ZFAT: variants seen among roughly 807,000 people sequenced by gnomAD.
ZFAT encodes the protein zinc finger protein ZFAT.
A neutral mutation model predicts 117.7 loss-of-function variants in ZFAT; 64 were observed. The ratio of observed to expected loss-of-function variants is 0.54; its 90% CI spans 0.44 to 0.67. The LOEUF (loss-of-function observed/expected upper bound fraction) is 0.67. Among genes scored for constraint, ZFAT ranks in the 30% least tolerant of loss-of-function variants. The pLI is 0.00. For synonymous variants in ZFAT, 679 were observed against 615.0 expected, an observed-to-expected ratio of 1.10 and a Z score of -1.54; for missense variants, 1,433 against 1,584.5, an observed-to-expected ratio of 0.90 and a Z score of 1.62.
the ZFAT span, among the ~76,000 whole-genome samples, chr8:134,720,852 A>G: frequency 2.0e-5 from 3 of 152,202 alleles, no homozygotes; most frequent in Admixed American, 1.3e-4. Context: ...GGAATAAAAT[A>G]ATAATGGTGG....
At chr8:134,794,295 A>T in the ZFAT span, 1 of 152,398 alleles carries the variant, frequency 6.6e-6, no homozygotes, top group Admixed American at 6.5e-5. Flanking sequence ...CTGAGAAACA[A>T]GTAAAACAAG....
chr8:134,674,923 C>T (rs1338842981), intron 1 of ZFAT: 2 of 156,556 alleles, frequency 1.3e-5, no homozygotes, highest in Admixed American at 6.5e-5. Context: ...AGAAGGAAAA[C>T]TGACAAACAG....
At chr8:134,519,227 CT>C (rs1199053428) in intron 13 of ZFAT, among the ~76,000 whole-genome samples, 1 of 152,032 alleles carries the variant, frequency 6.6e-6, no homozygotes, top group African/African-American at 2.4e-5. Flanking sequence ...GTATAAATTA[CT>C]TTCAGGGGAA....
At chr8:134,826,794 G>A in the ZFAT span, among the ~76,000 whole-genome samples, 26 of 152,242 alleles carry the variant, frequency 1.7e-4, no homozygotes, top group South Asian at 2.9e-3. Flanking sequence ...TAGAGTAACC[G>A]ATTAAACTAC....
chr8:134,618,167 C>T (rs1828875458), intron 3 of ZFAT, among the ~76,000 whole-genome samples: 1 of 152,112 alleles, frequency 6.6e-6, no homozygotes. Context: ...ATGTCTTTAT[C>T]AGCAGTGTGA....
intron 15 of ZFAT, among the ~76,000 whole-genome samples, chr8:134,482,794 G>A (rs922685251): frequency 1.3e-5 from 2 of 152,222 alleles, no homozygotes; most frequent in Admixed American, 6.5e-5. Context: ...CAAGTCCTGC[G>A]AAGAGCAGGC....
At chr8:134,505,885 T>C (rs1192849119) in intron 15 of ZFAT, among the ~76,000 whole-genome samples, 6 of 152,166 alleles carry the variant, frequency 3.9e-5, no homozygotes, top group African/African-American at 1.4e-4. Context: ...GCAGTGGCAA[T>C]AGGAAATTAA....
intron 3 of ZFAT, among the ~76,000 whole-genome samples, chr8:134,637,087 T>C (rs1376387305): frequency 6.6e-6 from 1 of 152,258 alleles, no homozygotes; most frequent in East Asian, 1.9e-4. Context: ...CTCCTGACTT[T>C]CCATCAGAAT....
chr8:134,817,436 C>CACACACACA, the ZFAT span, among the ~76,000 whole-genome samples: 1,039 of 126,902 alleles, frequency 8.2e-3, 7 homozygotes, highest in African/African-American at 0.012. Context: ...CACACACACA[C>CACACACACA]AACGCACCCT....
the ZFAT span, among the ~76,000 whole-genome samples, chr8:134,743,960 A>C: frequency 6.6e-6 from 1 of 152,238 alleles, no homozygotes; most frequent in Non-Finnish European, 1.5e-5. Flanking sequence ...GGTGACAAGG[A>C]CAGGCCAAAC....
chr8:134,720,020 G>A, the ZFAT span, among the ~76,000 whole-genome samples: 2 of 152,326 alleles, frequency 1.3e-5, no homozygotes, highest in East Asian at 3.9e-4. Flanking sequence ...GCACAAACTT[G>A]ATAAGCACTT....
At chr8:134,483,963 T>C (rs1817492115) in intron 15 of ZFAT, among the ~76,000 whole-genome samples, 1 of 152,200 alleles carries the variant, frequency 6.6e-6, no homozygotes, top group Admixed American at 6.5e-5. Context: ...TCTCACTTTC[T>C]TCCTACTCCC....
the ZFAT span, among the ~76,000 whole-genome samples, chr8:134,818,477 A>G: frequency 6.6e-6 from 1 of 152,244 alleles, no homozygotes; most frequent in Non-Finnish European, 1.5e-5. Context: ...TGATAGCATA[A>G]TGCTGGTGGG....
the ZFAT span, among the ~76,000 whole-genome samples, chr8:134,729,555 G>T: frequency 6.6e-6 from 1 of 152,058 alleles, no homozygotes; most frequent in African/African-American, 2.4e-5. Context: ...GGATGGTCTC[G>T]ATCTCCTGAC....
upstream of ZFAT, among the ~76,000 whole-genome samples, chr8:134,715,237 A>G (rs935582251): frequency 6.6e-6 from 1 of 152,242 alleles, no homozygotes; most frequent in African/African-American, 2.4e-5. Context: ...TCAAAACCCA[A>G]TTACCTCAGA....
intron 11 of ZFAT, among the ~76,000 whole-genome samples, chr8:134,547,030 G>C (rs749956265): frequency 6.6e-6 from 1 of 152,098 alleles, no homozygotes; most frequent in South Asian, 2.1e-4. Context: ...CAGATAATGA[G>C]AGCTGTCACT....
chr8:134,642,234 T>G (rs1391995515), intron 2 of ZFAT, among the ~76,000 whole-genome samples: 1 of 152,206 alleles, frequency 6.6e-6, no homozygotes, highest in Non-Finnish European at 1.5e-5. Context: ...CAGAATCACA[T>G]ACCCCTGAAG....
chr8:134,812,339 C>T, the ZFAT span, among the ~76,000 whole-genome samples: 1 of 152,122 alleles, frequency 6.6e-6, no homozygotes, highest in East Asian at 1.9e-4. Flanking sequence ...ATTTTTAATT[C>T]TTTATGTTTC....
intron 1 of ZFAT, among the ~76,000 whole-genome samples, chr8:134,675,177 A>C (rs933878001): frequency 6.6e-6 from 1 of 152,228 alleles, no homozygotes; most frequent in Non-Finnish European, 1.5e-5. Context: ...AGCATGTTCT[A>C]ACCCAATGCA....
Sources: allele counts gnomAD v4.1 joint callset (sites outside exome capture counted in the v4.1 genomes callset), GRCh38; gene constraint gnomAD v4.1.1; transcripts MANE v1.5; gene names NCBI Gene and HGNC (gene_info 2026-07-23, HGNC 2026-07-21).